EVC2: variants seen among roughly 807,000 people sequenced by gnomAD.
EVC2 encodes the protein limbin.
A neutral mutation model predicts 149.3 loss-of-function variants in EVC2; 148 were observed. The observed-to-expected ratio is 0.99, with a 90% confidence interval of 0.87 to 1.14. The LOEUF is 1.14. EVC2 is among the 50% of genes most tolerant of loss of function. The pLI is 0.00. For synonymous variants in EVC2, 776 were observed against 649.9 expected, an observed-to-expected ratio of 1.19 and a Z score of -2.95; for missense variants, 1,854 against 1,627.3, an observed-to-expected ratio of 1.14 and a Z score of -2.40.
At position 5,633,704 on chromosome 4, in the gene EVC2, G is replaced by A. The variant is rs564746687; in HGVS notation, c.1471-1672C>T. 1.3e-5 allele frequency among the ~76,000 whole-genome samples: 2 copies of A among 152,372 alleles called. No homozygotes were observed. The highest frequency in any genetic ancestry group is 4.1e-4 in the South Asian group (2 of 4,830). On this transcript the variant is annotated intron_variant, in intron 10 of 21. Coordinates refer to ENST00000344408, the MANE Select transcript of EVC2 (RefSeq NM_147127.5). The surrounding 1 kb of genome is among the most constrained non-coding windows in gnomAD (Gnocchi z 4.4). ...CATGCCATGGCTGGGCTGAGTAGAA[G>A]CCCGAGGAAGGCAGAAGGGGCTCCG...
chr4:5,703,904 G>A (rs1403216387), intron 1 of EVC2, among the ~76,000 whole-genome samples: 1 of 152,140 alleles, frequency 6.6e-6, no homozygotes, highest in Non-Finnish European at 1.5e-5. Flanking sequence ...CTTTAACAGG[G>A]TGACAGAGTG....
At chr4:5,624,865 C>A (rs140878936) in intron 13 of EVC2, among the ~76,000 whole-genome samples, 1 of 152,150 alleles carries the variant, frequency 6.6e-6, no homozygotes, top group African/African-American at 2.4e-5. Flanking sequence ...TATTCTTCAT[C>A]CCCTCCCTGC....
At chr4:5,685,549 CCA>C in intron 5 of EVC2, 70 bp from the exon 6 acceptor site, 2 of 1,281,628 alleles carry the variant, frequency 1.6e-6, no homozygotes, top group Non-Finnish European at 2.3e-6. Flanking sequence ...CCACCACACC[CCA>C]GACACATCCT....
At chr4:5,551,847 T>C (rs559909414) in intron 21 of EVC2, among the ~76,000 whole-genome samples, 3 of 152,072 alleles carry the variant, frequency 2.0e-5, no homozygotes, top group South Asian at 4.2e-4. Context: ...GATCTGATGA[T>C]TTTTAAAACA....
chr4:5,545,189 G>A (rs751323228), intron 21 of EVC2, among the ~76,000 whole-genome samples: 42 of 152,286 alleles, frequency 2.8e-4, no homozygotes, highest in Non-Finnish European at 4.6e-4. Context: ...GGAGACATTC[G>A]CTCATTCATT....
At chr4:5,548,749 T>G (rs1239743614) in intron 21 of EVC2, among the ~76,000 whole-genome samples, 1 of 152,224 alleles carries the variant, frequency 6.6e-6, no homozygotes, top group East Asian at 1.9e-4. Context: ...GATATCATTT[T>G]TTGTGCTCTT....
chr4:5,554,129 G>T (rs1460942749), intron 21 of EVC2, among the ~76,000 whole-genome samples: 1 of 152,148 alleles, frequency 6.6e-6, no homozygotes, highest in Non-Finnish European at 1.5e-5. Context: ...TGGGAAGTTG[G>T]TGCTCTCACT....
chr4:5,600,813 C>A (rs1360916380), intron 16 of EVC2, among the ~76,000 whole-genome samples: 1 of 152,084 alleles, frequency 6.6e-6, no homozygotes, highest in Non-Finnish European at 1.5e-5. Flanking sequence ...CCCAGAATTC[C>A]CCCCACCCAT....
At chr4:5,535,476 G>A in the EVC2 span, among the ~76,000 whole-genome samples, 2 of 151,992 alleles carry the variant, frequency 1.3e-5, no homozygotes, top group South Asian at 2.1e-4. This position sits in a 1 kb window ranked among gnomAD's most constrained non-coding sequence, Gnocchi z 4.7. Flanking sequence ...CAGTTGGCTC[G>A]GACTGCTATA....
intron 9 of EVC2, among the ~76,000 whole-genome samples, chr4:5,645,246 C>T (rs1717624883): frequency 9.9e-6 from 1 of 101,000 alleles, no homozygotes; most frequent in Non-Finnish European, 2.1e-5. Context: ...TTAACATCCA[C>T]CTCTTTTTTT....
chr4:5,600,691 T>A (rs1390805197), intron 16 of EVC2, among the ~76,000 whole-genome samples: 1 of 152,164 alleles, frequency 6.6e-6, no homozygotes, highest in Non-Finnish European at 1.5e-5. Flanking sequence ...AAACTGCAGA[T>A]CTACCTTCCC....
At chr4:5,531,324 C>T in the EVC2 span, among the ~76,000 whole-genome samples, 14 of 152,246 alleles carry the variant, frequency 9.2e-5, no homozygotes, top group African/African-American at 3.4e-4. Context: ...CAGGACCCCT[C>T]GCAGATATAA....
At chr4:5,681,155 G>A (rs1720312696) in intron 7 of EVC2, 105 bp downstream of exon 7, 1 of 1,318,580 alleles carries the variant, frequency 7.6e-7, no homozygotes, top group Admixed American at 1.7e-5. Flanking sequence ...CATAACTGGG[G>A]GACCAAGGCC....
chr4:5,579,382 A>G (rs1711555641), intron 17 of EVC2, among the ~76,000 whole-genome samples: 1 of 152,222 alleles, frequency 6.6e-6, no homozygotes, highest in African/African-American at 2.4e-5. Flanking sequence ...TTTGGACATA[A>G]TGAGAGCTCC....
chr4:5,706,321 CATAG>C (rs1163864655), intron 1 of EVC2, among the ~76,000 whole-genome samples: 11 of 26,546 alleles, frequency 4.1e-4, no homozygotes, highest in African/African-American at 1.6e-3. Context: ...TAGATAGATA[CATAG>C]ATAGATAGAT....
In EVC2 at chr4:5,708,374, G is replaced by C. The variant is rs1722353451; in HGVS notation, c.140C>G (p.Pro47Arg). Reference protein sequence around the residue: ...PRWRPLGAQPPRDPQVAPRSG... With the variant: ...PRWRPLGAQPRRDPQVAPRSG... ...CCTAGGAGCCACCTGGGGATCCCGG[G>C]GTGGCTGCGCGCCGAGGGGGCGCCA... is the stretch of plus-strand genomic sequence containing the variant. Residue 47 changes from proline (P) to arginine (R), a missense_variant, in exon 1 of 22, where the codon CCC becomes CGC. By Grantham distance (103) the Pro-to-Arg change is moderately radical. Transcript: ENST00000344408. 5 of 1,492,926 alleles carry C rather than the reference G, an allele frequency of 3.3e-6. No homozygotes were observed. The highest frequency in any genetic ancestry group is 4.4e-6 in the Non-Finnish European group (5 of 1,128,406). 92.5% of individuals were successfully genotyped at this position (1,492,926 alleles called of 1,614,324 possible). A position where few individuals can be genotyped will look rare whatever the true frequency, so the allele number is the denominator to read the frequency against.
At chr4:5,535,329 C>A in the EVC2 span, among the ~76,000 whole-genome samples, 1 of 152,152 alleles carries the variant, frequency 6.6e-6, no homozygotes, top group Non-Finnish European at 1.5e-5. This position sits in a 1 kb window ranked among gnomAD's most constrained non-coding sequence, Gnocchi z 4.7. Context: ...CTCATCCAAG[C>A]ATTTTTCTCT....
chr4:5,602,047 G>T lies in EVC2; in HGVS notation c.2829+13375C>A, dbSNP rs143056971. On this transcript the variant is annotated intron_variant, in intron 16 of 21. Coordinates refer to ENST00000344408, the MANE Select transcript of EVC2 (RefSeq NM_147127.5). Reference sequence around the variant, plus strand: ...CCCTGCACTTTGGGAGGGCAAGGCAGAAGAAATGCTTGAGGCCAAGAGTTC... The same window carrying T: ...CCCTGCACTTTGGGAGGGCAAGGCATAAGAAATGCTTGAGGCCAAGAGTTC... Among the ~76,000 whole-genome samples the T allele has an allele frequency of 2.5e-3, 382 of 152,292 alleles. 1 individual carries two copies. The highest frequency in any genetic ancestry group is 8.7e-3 in the African/African-American group (362 of 41,560).
chr4:5,559,200 C>T (rs562039308), downstream of EVC2, among the ~76,000 whole-genome samples: 1 of 152,062 alleles, frequency 6.6e-6, no homozygotes, highest in Non-Finnish European at 1.5e-5. This position sits in a 1 kb window ranked among gnomAD's most constrained non-coding sequence, Gnocchi z 5.0. Flanking sequence ...AGAAATAAGA[C>T]CATGTCTCAA....
Sources: allele counts gnomAD v4.1 joint callset (sites outside exome capture counted in the v4.1 genomes callset), GRCh38; gene constraint gnomAD v4.1.1; non-coding constraint Gnocchi (gnomAD v3.1); transcripts MANE v1.5; gene names NCBI Gene and HGNC (gene_info 2026-07-23, HGNC 2026-07-21).